The following PYY variants were observed in gnomAD, a reference collection of about 807,000 sequenced individuals.
PYY encodes peptide YY, also known as peptide tyrosine tyrosine.
PYY carries 12 observed loss-of-function variants against 10.3 expected under a neutral mutation model. The ratio of observed to expected loss-of-function variants is 1.17; its 90% CI spans 0.75 to 1.89. The LOEUF is 1.89. Among genes scored for constraint, PYY ranks in the 40% most tolerant of loss-of-function variants. The pLI, the probability that PYY is intolerant of heterozygous loss-of-function variation, is 0.00. For synonymous variants in PYY, 66 were observed against 62.0 expected, an observed-to-expected ratio of 1.06 and a Z score of -0.30; for missense variants, 141 against 134.0, an observed-to-expected ratio of 1.05 and a Z score of -0.26.
chr17:43,967,800 G>A (rs991395566), intron 1 of PYY, among the ~76,000 whole-genome samples: 4 of 152,202 alleles, frequency 2.6e-5, no homozygotes, highest in African/African-American at 9.6e-5. Context: ...GTTCCACTGA[G>A]CTGAAATGAG....
chr17:43,992,713 AT>A (rs1489393792), intron 1 of PYY, among the ~76,000 whole-genome samples: 4 of 152,090 alleles, frequency 2.6e-5, no homozygotes, highest in East Asian at 1.9e-4. Context: ...ATCAAAAAAA[AT>A]AATAATAATT....
chr17:43,984,564 A>T (rs1236443894), intron 1 of PYY, among the ~76,000 whole-genome samples: 2 of 152,160 alleles, frequency 1.3e-5, no homozygotes. Context: ...GAGGCTGGAA[A>T]CCTTAGGGCT....
chr17:43,952,786 C>A lies in PYY; in HGVS notation c.*170G>T. On this transcript the variant is annotated 3_prime_UTR_variant, in exon 4 of 4. Transcript: ENST00000692052. ...TTTGGGACCAGGGAAGGACCACACACAGCCCTCCAGCCCAGGGGGCGGGGG... is the reference window on the plus strand; with the variant it reads ...TTTGGGACCAGGGAAGGACCACACAAAGCCCTCCAGCCCAGGGGGCGGGGG... 1 of 641,486 alleles carries A rather than the reference C, an allele frequency of 1.6e-6. No individual in the cohort carries two copies. The highest frequency in any genetic ancestry group is 2.3e-5 in the South Asian group (1 of 43,540). 39.7% of individuals were successfully genotyped at this position (641,486 alleles called of 1,614,324 possible).
In PYY at chr17:43,987,309, G is replaced by A. The variant is rs2048922054; in HGVS notation, c.-463+17082C>T. On this transcript the variant is annotated intron_variant, in intron 1 of 6. Transcript: ENST00000360085. This position sits in a 1 kb window ranked among gnomAD's most constrained non-coding sequence, Gnocchi z 4.0. The stretch of plus-strand genomic sequence containing the variant: ...TCCTGGCTGTAATGAATGTTTCTGA[G>A]CCCCTGAGACTGAGCTTCATCAGAA... Among the ~76,000 whole-genome samples, 2 of 152,164 alleles carry A rather than the reference G, an allele frequency of 1.3e-5. No homozygotes were observed. The highest frequency in any genetic ancestry group is 2.9e-5 in the Non-Finnish European group (2 of 68,026).
At chr17:43,978,639 C>A (rs376488744) in intron 1 of PYY, among the ~76,000 whole-genome samples, 2 of 152,154 alleles carry the variant, frequency 1.3e-5, no homozygotes, top group Non-Finnish European at 2.9e-5. Context: ...GGCTATTACA[C>A]CCCCACCCCA....
chr17:43,963,569 GA>G (rs1555617065), intron 2 of PYY, among the ~76,000 whole-genome samples: 23 of 74,990 alleles, frequency 3.1e-4, no homozygotes, highest in African/African-American at 3.9e-4. Flanking sequence ...AGGAAGGAAG[GA>G]AAAGAAAGAA....
intron 3 of PYY, 38 bp downstream of exon 3, chr17:43,953,071 C>T (rs2048642623): frequency 6.2e-7 from 1 of 1,609,750 alleles, no homozygotes; most frequent in Non-Finnish European, 8.5e-7. Context: ...CCAGGCCGCG[C>T]TCTCGGATGC....
chr17:44,004,176 T>C (rs1394700994), intron 1 of PYY, among the ~76,000 whole-genome samples: 1 of 151,872 alleles, frequency 6.6e-6, no homozygotes, highest in Non-Finnish European at 1.5e-5. Flanking sequence ...GGTCATTCAT[T>C]AGGATCTTTT....
At chr17:44,000,289 G>A (rs938358212) in intron 1 of PYY, among the ~76,000 whole-genome samples, 7 of 152,186 alleles carry the variant, frequency 4.6e-5, no homozygotes, top group Non-Finnish European at 1.0e-4. Context: ...ATGGAAGGTG[G>A]ATTTGATCAG....
chr17:43,994,920 T>C (rs1025865555), intron 1 of PYY, among the ~76,000 whole-genome samples: 1 of 150,658 alleles, frequency 6.6e-6, no homozygotes, highest in Admixed American at 6.6e-5. Context: ...GTATCAGGAG[T>C]CGCCCCAGCC....
At chr17:43,958,790 C>T (rs993142268), upstream of PYY, among the ~76,000 whole-genome samples, 1 of 152,182 alleles carries the variant, frequency 6.6e-6, no homozygotes, top group Non-Finnish European at 1.5e-5. Flanking sequence ...GGTTGAGTTG[C>T]CTTTTGGTTG....
At chr17:43,953,013 G>C in intron 3 of PYY, 33 bp from the exon 4 acceptor site, 1 of 1,584,448 alleles carries the variant, frequency 6.3e-7, no homozygotes, top group Non-Finnish European at 8.6e-7. Context: ...ATTGGATCTG[G>C]GGAGGCGAGC....
At chr17:43,969,307 G>T (rs2048773908) in intron 1 of PYY, among the ~76,000 whole-genome samples, 1 of 151,934 alleles carries the variant, frequency 6.6e-6, no homozygotes, top group Admixed American at 6.6e-5. Context: ...CTTGAGGTCA[G>T]GAGTTCTAGA....
chr17:43,953,400 G>A lies in PYY; in HGVS notation c.84C>T (p.Ala28=), dbSNP rs1467422707. 2 of 1,612,968 alleles carry A rather than the reference G, an allele frequency of 1.2e-6. No homozygotes were observed. The highest frequency in any genetic ancestry group is 1.7e-6 in the Non-Finnish European group (2 of 1,179,624). Reference sequence around the variant, plus strand: ...GGGGAGCCTCGGGTTTGATGGGGTAGGCGTCGACCAGCGCCCCTAGGCAGA... The same window carrying A: ...GGGGAGCCTCGGGTTTGATGGGGTAAGCGTCGACCAGCGCCCCTAGGCAGA... The part of the protein sequence containing the change: ...LLVCLGALVD[A]YPIKPEAPRE... Residue 28 remains alanine (A), a synonymous_variant, in exon 2 of 4, where the codon GCC becomes GCT. Transcript: ENST00000692052.
upstream of PYY, among the ~76,000 whole-genome samples, chr17:43,958,884 T>C (rs1443658375): frequency 6.6e-6 from 1 of 152,136 alleles, no homozygotes; most frequent in Non-Finnish European, 1.5e-5. Context: ...ACTGATGAAA[T>C]ATGAGTGCAT....
intron 1 of PYY, among the ~76,000 whole-genome samples, chr17:43,972,786 G>C (rs962683117): frequency 6.6e-5 from 10 of 152,088 alleles, no homozygotes; most frequent in African/African-American, 1.9e-4. Flanking sequence ...GCGTGATCTC[G>C]GTTCACCGCA....
chr17:43,967,268 A>T (rs1043842203), intron 1 of PYY, among the ~76,000 whole-genome samples: 1 of 152,082 alleles, frequency 6.6e-6, no homozygotes, highest in Non-Finnish European at 1.5e-5. Context: ...ACACCACTGC[A>T]CTCCAGCCTG....
rs578131385 is a variant in PYY at position 43,980,410 on chromosome 17, C to T, written c.-462-13878G>A. On this transcript the variant is annotated intron_variant, in intron 1 of 6. Coordinates refer to the PYY transcript ENST00000360085. ...AACTCCTGACCTCAGGTGATACGCC[C>T]GCCTCGGCCTCCCAAAGTGCTGGGA... Among the ~76,000 whole-genome samples, 445 of 150,922 alleles carry T rather than the reference C, an allele frequency of 2.9e-3. 1 individual carries two copies. The highest frequency in any genetic ancestry group is 0.01 in the African/African-American group (413 of 41,220).
intron 2 of PYY, among the ~76,000 whole-genome samples, chr17:43,963,570 A>AAAAAGAAAGAAAGAAAG (rs1404696451): frequency 1.6e-4 from 17 of 104,648 alleles, no homozygotes; most frequent in African/African-American, 6.2e-4. Flanking sequence ...GGAAGGAAGG[A>AAAAAGAAAGAAAGAAAG]AAAGAAAGAA....
Sources: gnomAD v4.1 joint callset for allele counts (sites outside exome capture counted in the v4.1 genomes callset) on GRCh38, gnomAD v4.1.1 for gene constraint, Gnocchi (gnomAD v3.1) non-coding constraint, MANE v1.5 for transcripts, NCBI Gene and HGNC (gene_info 2026-07-23, HGNC 2026-07-21) for gene names.